Variants in ZRANB3 observed in about 807,000 individuals in gnomAD.
ZRANB3 encodes DNA annealing helicase and endonuclease ZRANB3.
In ZRANB3, 125 loss-of-function variants were observed where a neutral mutation model predicts 133.8. That is an observed-to-expected ratio of 0.93 (90% CI 0.81 to 1.08). ZRANB3 has a LOEUF of 1.08. Ranked by LOEUF, ZRANB3 falls within the 50% of genes least tolerant of loss-of-function variation. The pLI, the probability that ZRANB3 is intolerant of heterozygous loss-of-function variation, is 0.00. For synonymous variants in ZRANB3, 387 were observed against 432.7 expected (o/e 0.89, Z 1.31); for missense variants, 1,229 against 1,275.5 (o/e 0.96, Z 0.56).
At chr2:135,398,954 C>A (rs1387326464) in intron 2 of ZRANB3, among the ~76,000 whole-genome samples, 1 of 152,148 alleles carries the variant, frequency 6.6e-6, no homozygotes, top group African/African-American at 2.4e-5. Context: ...GTTCAGTACA[C>A]TTGTTGAATC....
chr2:135,315,621 G>A, intron 6 of ZRANB3, 91 bp from the exon 7 acceptor site: 5 of 919,974 alleles, frequency 5.4e-6, no homozygotes, highest in Non-Finnish European at 7.5e-6. Context: ...TAATGATAAG[G>A]AGCCATGACA....
intron 5 of ZRANB3, among the ~76,000 whole-genome samples, chr2:135,347,154 C>T (rs1383363939): frequency 1.3e-5 from 2 of 152,090 alleles, no homozygotes; most frequent in African/African-American, 4.8e-5. Flanking sequence ...TTCCATTGTA[C>T]GGCTATATCA....
chr2:135,497,609 AGTTCCAT>A, intron 2 of ZRANB3, among the ~76,000 whole-genome samples: 1 of 152,260 alleles, frequency 6.6e-6, no homozygotes. Flanking sequence ...CACAGCGGAA[AGTTCCAT>A]TAGACAGCAC....
intron 2 of ZRANB3, among the ~76,000 whole-genome samples, chr2:135,411,253 T>C (rs1053393318): frequency 6.6e-6 from 1 of 151,618 alleles, no homozygotes; most frequent in Non-Finnish European, 1.5e-5. Flanking sequence ...AAAGAAAACA[T>C]ATATAACAGA....
At chr2:135,445,438 A>G (rs1689975374) in intron 2 of ZRANB3, among the ~76,000 whole-genome samples, 1 of 152,024 alleles carries the variant, frequency 6.6e-6, no homozygotes, top group Admixed American at 6.6e-5. Flanking sequence ...GTGAAACTCC[A>G]TCTAAATAAA....
chr2:135,394,882 G>A (rs989249917), intron 2 of ZRANB3, among the ~76,000 whole-genome samples: 2 of 149,910 alleles, frequency 1.3e-5, no homozygotes, highest in African/African-American at 2.5e-5. Context: ...TGCTTTGGGA[G>A]GCTGAGGCAG....
chr2:135,227,641 C>T (rs1694804006), intron 14 of ZRANB3, among the ~76,000 whole-genome samples, 171 bp downstream of exon 14: 1 of 152,184 alleles, frequency 6.6e-6, no homozygotes, highest in African/African-American at 2.4e-5. Flanking sequence ...ACACACTCAG[C>T]TCTTCTAGAC....
At chr2:135,425,299 G>C (rs1466292878) in intron 2 of ZRANB3, among the ~76,000 whole-genome samples, 2 of 152,110 alleles carry the variant, frequency 1.3e-5, no homozygotes, top group Non-Finnish European at 2.9e-5. Context: ...TACTGAAAAG[G>C]TCAGAAGTTT....
At chr2:135,291,646 C>T (rs1181062274) in intron 8 of ZRANB3, among the ~76,000 whole-genome samples, 1 of 151,420 alleles carries the variant, frequency 6.6e-6, no homozygotes, top group East Asian at 1.9e-4. Flanking sequence ...GCACAACATA[C>T]AGGTTTGTTA....
chr2:135,267,123 A>T (rs1333865250), intron 11 of ZRANB3, among the ~76,000 whole-genome samples: 1 of 152,216 alleles, frequency 6.6e-6, no homozygotes, highest in Non-Finnish European at 1.5e-5. Context: ...TTGACTCTTC[A>T]TTGACATCTA....
At chr2:135,417,553 C>T (rs975135911) in intron 2 of ZRANB3, among the ~76,000 whole-genome samples, 6 of 152,150 alleles carry the variant, frequency 3.9e-5, no homozygotes, top group East Asian at 1.9e-4. Context: ...ATCAGGGTGG[C>T]GATTCCTCAG....
At chr2:135,333,631 G>A (rs958556964) in intron 6 of ZRANB3, among the ~76,000 whole-genome samples, 2 of 152,116 alleles carry the variant, frequency 1.3e-5, no homozygotes, top group African/African-American at 4.8e-5. Flanking sequence ...ATAGGGACTA[G>A]GGGAGGCGGA....
chr2:135,392,968 T>G (rs1178417812), intron 2 of ZRANB3, among the ~76,000 whole-genome samples: 1 of 151,910 alleles, frequency 6.6e-6, no homozygotes, highest in Non-Finnish European at 1.5e-5. Flanking sequence ...AGCCTTGACC[T>G]CTAATGATCC....
chr2:135,280,849 C>T (rs1375742286), intron 8 of ZRANB3, among the ~76,000 whole-genome samples: 1 of 152,222 alleles, frequency 6.6e-6, no homozygotes, highest in Non-Finnish European at 1.5e-5. Context: ...CTCTTTGCAA[C>T]TAAGCCCTCA....
chr2:135,479,293 G>C (rs1691651334), intron 2 of ZRANB3, among the ~76,000 whole-genome samples: 1 of 152,148 alleles, frequency 6.6e-6, no homozygotes. Context: ...GTCTGATAAA[G>C]TAGGTTTATC....
At chr2:135,393,379 A>T (rs1301960375) in intron 2 of ZRANB3, among the ~76,000 whole-genome samples, 1 of 151,764 alleles carries the variant, frequency 6.6e-6, no homozygotes, top group Non-Finnish European at 1.5e-5. Flanking sequence ...TTTTTTTAAG[A>T]TGATCATTAT....
chr2:135,482,640 C>A (rs908335082), intron 2 of ZRANB3, among the ~76,000 whole-genome samples: 1 of 152,188 alleles, frequency 6.6e-6, no homozygotes, highest in Non-Finnish European at 1.5e-5. Flanking sequence ...CTGGCCAGAA[C>A]TTCCAACACT....
intron 8 of ZRANB3, among the ~76,000 whole-genome samples, chr2:135,301,541 C>T (rs970376677): frequency 2.6e-5 from 4 of 152,114 alleles, no homozygotes; most frequent in African/African-American, 9.7e-5. Flanking sequence ...CTGGAGAATT[C>T]CTCCCTAGCA....
chr2:135,341,992 C>A (rs1156503028), intron 6 of ZRANB3, among the ~76,000 whole-genome samples: 1 of 149,842 alleles, frequency 6.7e-6, no homozygotes, highest in Non-Finnish European at 1.5e-5. Flanking sequence ...CTTGCCCTAC[C>A]CATTTGCCTT....
Sources: gnomAD v4.1 joint callset for allele counts (sites outside exome capture counted in the v4.1 genomes callset) on GRCh38, gnomAD v4.1.1 for gene constraint, MANE v1.5 for transcripts, NCBI Gene and HGNC (gene_info 2026-07-23, HGNC 2026-07-21) for gene names.